CCDC3: variants seen among roughly 807,000 people sequenced by gnomAD.
The protein encoded by CCDC3 is coiled-coil domain containing 3.
A neutral mutation model predicts 21.4 loss-of-function variants in CCDC3; 24 were observed. The observed-to-expected ratio is 1.12, with a 90% CI of 0.81 to 1.58. The LOEUF (loss-of-function observed/expected upper bound fraction) is 1.58, where lower values mean the gene tolerates loss of function less well. Ranked by LOEUF, CCDC3 falls within the 40% of genes most tolerant of loss-of-function variation. The pLI, the probability that CCDC3 is intolerant of heterozygous loss-of-function variation, is 0.00. For missense variants in CCDC3, 425 were observed against 360.9 expected, an observed-to-expected ratio of 1.18 and a Z score of -1.44; for synonymous variants, 186 against 166.0, an observed-to-expected ratio of 1.12 and a Z score of -0.93.
At chr10:13,030,324 A>G (rs1836283434) in intron 5 of CCDC3, among the ~76,000 whole-genome samples, 1 of 152,218 alleles carries the variant, frequency 6.6e-6, no homozygotes, top group Non-Finnish European at 1.5e-5. Context: ...CCTGCCTTAC[A>G]AGAGCTCCTG....
chr10:12,984,325 T>C (rs1016686198), intron 2 of CCDC3, among the ~76,000 whole-genome samples: 6 of 152,184 alleles, frequency 3.9e-5, no homozygotes, highest in Admixed American at 1.3e-4. Flanking sequence ...CATGAGTCAT[T>C]AGGGAAATGC....
intron 5 of CCDC3, among the ~76,000 whole-genome samples, chr10:13,018,653 G>A (rs1040017283): frequency 3.3e-5 from 5 of 152,008 alleles, no homozygotes; most frequent in Non-Finnish European, 5.9e-5. Flanking sequence ...AATAGAGGCC[G>A]GGCACAGTGG....
At chr10:13,010,268 A>C (rs1835969146) in intron 5 of CCDC3, among the ~76,000 whole-genome samples, 1 of 152,112 alleles carries the variant, frequency 6.6e-6, no homozygotes, top group Non-Finnish European at 1.5e-5. Context: ...AAAAACAAAA[A>C]ACACTCAATG....
intron 5 of CCDC3, among the ~76,000 whole-genome samples, chr10:13,030,649 C>T (rs557923065): frequency 6.6e-6 from 1 of 151,942 alleles, no homozygotes; most frequent in South Asian, 2.1e-4. Context: ...GGAGGAAGAT[C>T]TACCAAGCAA....
chr10:12,900,318 A>C, intron 2 of CCDC3, among the ~76,000 whole-genome samples: 1 of 151,916 alleles, frequency 6.6e-6, no homozygotes, highest in Admixed American at 6.6e-5. Flanking sequence ...CTCCCATTTT[A>C]CCTCATCAGA....
chr10:12,907,406 A>T (rs1381672468), intron 2 of CCDC3, among the ~76,000 whole-genome samples: 1 of 152,150 alleles, frequency 6.6e-6, no homozygotes, highest in East Asian at 1.9e-4. Flanking sequence ...GCACTTTGGG[A>T]GGCTGAGGTG....
intron 2 of CCDC3, among the ~76,000 whole-genome samples, chr10:12,941,925 G>A (rs760595210): frequency 7.2e-5 from 11 of 152,164 alleles, no homozygotes; most frequent in South Asian, 2.1e-4. Context: ...GAATGGAGAC[G>A]GCCTTGAATC....
At chr10:12,945,835 G>C (rs1834908004) in intron 2 of CCDC3, among the ~76,000 whole-genome samples, 2 of 152,178 alleles carry the variant, frequency 1.3e-5, no homozygotes, top group Non-Finnish European at 2.9e-5. Flanking sequence ...AGATAACAAG[G>C]TTGCCTTTGA....
chr10:12,991,781 T>A (rs905001008), intron 2 of CCDC3, among the ~76,000 whole-genome samples: 7 of 152,210 alleles, frequency 4.6e-5, no homozygotes, highest in Admixed American at 1.3e-4. Context: ...AAACCTTACC[T>A]ACCTGAACTC....
intron 5 of CCDC3, among the ~76,000 whole-genome samples, chr10:13,026,468 CTTCATTTT>C (rs919017139): frequency 2.6e-5 from 4 of 152,000 alleles, no homozygotes; most frequent in Non-Finnish European, 1.5e-5. Context: ...TGTTTCTTGG[CTTCATTTT>C]TTTTTCTTAA....
intron 5 of CCDC3, among the ~76,000 whole-genome samples, chr10:13,011,125 G>A (rs1324918958): frequency 6.7e-6 from 1 of 150,314 alleles, no homozygotes; most frequent in Non-Finnish European, 1.5e-5. Flanking sequence ...AAGTTGCAGT[G>A]AGTTGAGATG....
At chr10:12,995,237 T>C (rs1431370686) in intron 2 of CCDC3, among the ~76,000 whole-genome samples, 1 of 152,198 alleles carries the variant, frequency 6.6e-6, no homozygotes, top group Admixed American at 6.5e-5. Flanking sequence ...AATGGGCTAA[T>C]TTTTCTTGTT....
upstream of CCDC3, among the ~76,000 whole-genome samples, chr10:13,002,075 T>C (rs1835866227): frequency 6.6e-6 from 1 of 152,228 alleles, no homozygotes; most frequent in African/African-American, 2.4e-5. Flanking sequence ...TAAAAATACA[T>C]AGAAACCAAA....
At position 12,900,882 on chromosome 10, in the gene CCDC3, G is replaced by C. The variant is rs115652600; in HGVS notation, c.550-2203C>G. Among the ~76,000 whole-genome samples the C allele has an allele frequency of 8.4e-3, 1,281 of 152,128 alleles. 19 individuals carry two copies. Among genetic ancestry groups the C allele is most frequent in the African/African-American group, 0.029 (1,212 of 41,502 alleles). On this transcript the variant is annotated intron_variant, in intron 2 of 2. Transcript: ENST00000378825. ...GAGTAGTGGACTCTGGTCTGTATTA[G>C]CCAGAACCCACTTCAGTACTAAAGG...
chr10:13,038,355 G>C (rs1836406196), intron 5 of CCDC3, among the ~76,000 whole-genome samples: 1 of 123,240 alleles, frequency 8.1e-6, no homozygotes, highest in Non-Finnish European at 1.7e-5. Context: ...ATGTACCCTG[G>C]AACTTAAAAG....
chr10:13,034,370 A>G (rs1379978041), intron 5 of CCDC3, among the ~76,000 whole-genome samples: 1 of 151,858 alleles, frequency 6.6e-6, no homozygotes, highest in Admixed American at 6.6e-5. Context: ...GAGGGATAGC[A>G]TTAGGAGATA....
At chr10:12,998,111 A>G (rs1835789798) in intron 2 of CCDC3, among the ~76,000 whole-genome samples, 1 of 152,160 alleles carries the variant, frequency 6.6e-6, no homozygotes, top group Non-Finnish European at 1.5e-5. Context: ...ATACTTTGGG[A>G]AGAACTCCTT....
At chr10:13,022,216 T>C (rs1166898864) in intron 5 of CCDC3, among the ~76,000 whole-genome samples, 1 of 152,202 alleles carries the variant, frequency 6.6e-6, no homozygotes, top group African/African-American at 2.4e-5. Context: ...CTGCAGACTA[T>C]GCAGAAGCTA....
chr10:12,959,999 C>T (rs1392964780), intron 2 of CCDC3, among the ~76,000 whole-genome samples: 3 of 152,112 alleles, frequency 2.0e-5, no homozygotes, highest in African/African-American at 7.2e-5. Flanking sequence ...ACTAAAAATA[C>T]AAAAATTAGC....
Sources: allele counts gnomAD v4.1 joint callset (sites outside exome capture counted in the v4.1 genomes callset), GRCh38; gene constraint gnomAD v4.1.1; transcripts MANE v1.5; gene names NCBI Gene and HGNC (gene_info 2026-07-23, HGNC 2026-07-21).